The following KDM7A variants were observed in gnomAD, a reference collection of about 807,000 sequenced individuals.
The protein encoded by KDM7A is lysine demethylase 7A.
A neutral mutation model predicts 114.8 loss-of-function variants in KDM7A; 28 were observed. That is an observed-to-expected ratio of 0.24 (90% CI 0.18 to 0.33). The LOEUF (loss-of-function observed/expected upper bound fraction) is 0.33, where lower values mean the gene tolerates loss of function less well. Ranked by LOEUF, KDM7A falls within the 10% of genes least tolerant of loss-of-function variation. KDM7A has a pLI of 1.00. For missense variants in KDM7A, 942 were observed against 1,142.5 expected (o/e 0.82, Z 2.53); for synonymous variants, 423 against 397.8 (o/e 1.06, Z -0.75).
At chr7:140,095,265 A>ATTTGCCTGAATTTTGCC (rs1274889467) in intron 17 of KDM7A, among the ~76,000 whole-genome samples, 4 of 152,242 alleles carry the variant, frequency 2.6e-5, no homozygotes, top group Non-Finnish European at 5.9e-5. Context: ...TGAATTTTGC[A>ATTTGCCTGAATTTTGCC]GTATTTCCAT....
At chr7:140,095,872 G>T (rs1167037038) in intron 17 of KDM7A, among the ~76,000 whole-genome samples, 1 of 151,926 alleles carries the variant, frequency 6.6e-6, no homozygotes, top group Non-Finnish European at 1.5e-5. Context: ...GAGTGAGACA[G>T]TCTCAAAATA....
In KDM7A at chr7:140,139,112, G is replaced by C. The variant is rs1282441914; in HGVS notation, c.273C>G (p.Ser91=). 1.2e-6 allele frequency: 2 copies of C among 1,607,064 alleles called. No individual in the cohort carries two copies. Among genetic ancestry groups the C allele is most frequent in the Non-Finnish European group, 1.7e-6 (2 of 1,174,210 alleles). ...HCPNCAVLHG[S]SLMKKRRNWH... The stretch of plus-strand genomic sequence containing the variant: ...TAAGCATCTAGTACTTACTCAAGGA[G>C]GAACCATGTAAAACTGCACAGTTGG... Residue 91 remains serine (S), a synonymous_variant, in exon 2 of 20, where the codon TCC becomes TCG. Coordinates refer to ENST00000397560, the MANE Select transcript of KDM7A (RefSeq NM_030647.2).
At chr7:140,147,143 G>C (rs1585160682) in intron 1 of KDM7A, among the ~76,000 whole-genome samples, 3 of 151,272 alleles carry the variant, frequency 2.0e-5, no homozygotes, top group Non-Finnish European at 2.9e-5. Flanking sequence ...CTACCAAAAG[G>C]GTAGGAAAAA....
At chr7:140,104,694 AG>A (rs1818297270) in intron 11 of KDM7A, among the ~76,000 whole-genome samples, 1 of 152,184 alleles carries the variant, frequency 6.6e-6, no homozygotes, top group Non-Finnish European at 1.5e-5. Flanking sequence ...TGGTTACTGT[AG>A]CCTTGTAGTA....
At position 140,140,174 on chromosome 7, in the gene KDM7A, A is replaced by G. The variant is rs560978712; in HGVS notation, c.195-984T>C. Among the ~76,000 whole-genome samples the G allele has an allele frequency of 4.6e-5, 7 of 152,364 alleles. No individual in the cohort carries two copies. In the South Asian group the frequency reaches 8.3e-4, roughly 18 times the overall value. ...TTGGTACCAAAACTTGGAAAGAATT[A>G]TAAGTCACCCTCATTTATGAGTAAA... On this transcript the variant is annotated intron_variant, in intron 1 of 19. Transcript: ENST00000397560.
At chr7:140,168,765 G>A (rs1273562447) in intron 1 of KDM7A, among the ~76,000 whole-genome samples, 2 of 152,256 alleles carry the variant, frequency 1.3e-5, no homozygotes, top group Middle Eastern at 6.8e-3. Flanking sequence ...CTGTAATCTA[G>A]CTAGCAAATT....
At chr7:140,111,294 C>T in intron 10 of KDM7A, 110 bp from the exon 11 acceptor site, 1 of 615,932 alleles carries the variant, frequency 1.6e-6, no homozygotes, top group South Asian at 2.1e-5. Flanking sequence ...ACAGACATCG[C>T]CAAATACTAG....
chr7:140,176,867 G>C lies in KDM7A; in HGVS notation c.71C>G (p.Ala24Gly). Residue 24 changes from alanine (A) to glycine (G), a missense_variant, in exon 1 of 20, where the codon GCG (alanine) becomes GGG (glycine). Around this residue, in one of 4 missense-constraint regions of KDM7A, gnomAD observed 112 missense variants for 96.2 expected, o/e 1.16. Coordinates refer to ENST00000397560, the MANE Select transcript of KDM7A (RefSeq NM_030647.2). This position sits in a 1 kb window ranked among gnomAD's most constrained non-coding sequence, Gnocchi z 4.4. ...AGGCGCCGAGGCCCGGCCGGGAGCCGCCACCGACACGGCTGCCGCGGCGGC... is the reference window on the plus strand; with the variant it reads ...AGGCGCCGAGGCCCGGCCGGGAGCCCCCACCGACACGGCTGCCGCGGCGGC... ...AGAAAAAVSV[A>G]APGRASAPPP... The C allele has an allele frequency of 7.9e-7, 1 of 1,261,962 alleles. No individual in the cohort carries two copies. Among genetic ancestry groups the C allele is most frequent in the Non-Finnish European group, 1.0e-6 (1 of 990,474 alleles). The allele number at this position is 1,261,962 out of a possible 1,614,324, so 78.2% of individuals were successfully genotyped here.
chr7:140,137,885 T>C (rs116188720), intron 2 of KDM7A, among the ~76,000 whole-genome samples: 3,731 of 152,130 alleles, frequency 0.025, 159 homozygotes, highest in African/African-American at 0.085. Flanking sequence ...GCATGTAAAA[T>C]AAAGAGGTCA....
At chr7:140,133,516 T>C (rs762255513) in intron 3 of KDM7A, 23 bp downstream of exon 3, 105 of 1,290,992 alleles carry the variant, frequency 8.1e-5, no homozygotes, top group Non-Finnish European at 1.1e-4. Context: ...TACATTTTCT[T>C]TTATCAGAGT....
intron 6 of KDM7A, among the ~76,000 whole-genome samples, 172 bp downstream of exon 6, chr7:140,126,462 TAAA>T (rs34839940): frequency 7.0e-6 from 1 of 143,550 alleles, no homozygotes; most frequent in South Asian, 2.2e-4. Flanking sequence ...TATTTGAGAT[TAAA>T]AAAAAAAATC....
At chr7:140,097,766 CT>C in intron 14 of KDM7A, 124 bp from the exon 15 acceptor site, 1 of 566,220 alleles carries the variant, frequency 1.8e-6, no homozygotes, top group East Asian at 2.9e-5. Flanking sequence ...CTCTACCCTC[CT>C]TTTTCACTTT....
At chr7:140,147,244 T>C (rs1028757209) in intron 1 of KDM7A, among the ~76,000 whole-genome samples, 1 of 152,138 alleles carries the variant, frequency 6.6e-6, no homozygotes, top group African/African-American at 2.4e-5. Flanking sequence ...TCTTTAAGAT[T>C]TCTCTCTCAA....
chr7:140,100,707 TACACA>T (rs1818198972), intron 12 of KDM7A, among the ~76,000 whole-genome samples: 3 of 37,644 alleles, frequency 8.0e-5, no homozygotes, highest in African/African-American at 1.6e-4. Flanking sequence ...TATATATATA[TACACA>T]TATATATATA....
intron 4 of KDM7A, among the ~76,000 whole-genome samples, chr7:140,128,506 A>C (rs1305425353): frequency 6.6e-6 from 1 of 152,156 alleles, no homozygotes; most frequent in Non-Finnish European, 1.5e-5. Context: ...CAGTTTGAGC[A>C]TTTTTTTCCT....
chr7:140,168,634 T>C (rs1174820892), intron 1 of KDM7A, among the ~76,000 whole-genome samples: 1 of 151,634 alleles, frequency 6.6e-6, no homozygotes, highest in African/African-American at 2.4e-5. Context: ...AATGAACCTG[T>C]CAGTAAATGA....
At chr7:140,141,181 G>A (rs1243013215) in intron 1 of KDM7A, among the ~76,000 whole-genome samples, 1 of 152,104 alleles carries the variant, frequency 6.6e-6, no homozygotes, top group African/African-American at 2.4e-5. Flanking sequence ...CACGACCATG[G>A]GTTTGAGGTT....
chr7:140,152,618 C>T (rs979670983), intron 1 of KDM7A, among the ~76,000 whole-genome samples: 1 of 125,882 alleles, frequency 7.9e-6, no homozygotes, highest in Admixed American at 7.8e-5. Context: ...AGTGAGACTC[C>T]GTTTCAAAAA....
At chr7:140,121,731 A>T (rs1818620768) in intron 7 of KDM7A, among the ~76,000 whole-genome samples, 1 of 152,202 alleles carries the variant, frequency 6.6e-6, no homozygotes, top group Admixed American at 6.5e-5. Context: ...TTTCCTGCGC[A>T]TTCATATAGG....
Sources: allele counts gnomAD v4.1 joint callset (sites outside exome capture counted in the v4.1 genomes callset), GRCh38; gene constraint gnomAD v4.1.1; regional missense constraint gnomAD v4.1.1; non-coding constraint Gnocchi (gnomAD v3.1); transcripts MANE v1.5; gene names NCBI Gene and HGNC (gene_info 2026-07-23, HGNC 2026-07-21).